The following DPYSL2 variants were observed in gnomAD, a reference collection of about 807,000 sequenced individuals.
DPYSL2 encodes the protein dihydropyrimidinase-related protein 2.
DPYSL2 carries 13 observed loss-of-function variants against 69.9 expected under a neutral mutation model. The ratio of observed to expected loss-of-function variants is 0.19; its 90% CI spans 0.12 to 0.30. The LOEUF (loss-of-function observed/expected upper bound fraction) is 0.30, where lower values mean the gene tolerates loss of function less well. DPYSL2 is among the 10% of genes least tolerant of loss of function. The pLI, the probability that DPYSL2 is intolerant of heterozygous loss-of-function variation, is 1.00. For missense variants in DPYSL2, 587 were observed against 918.9 expected, an observed-to-expected ratio of 0.64 and a Z score of 4.67; for synonymous variants, 326 against 359.1, an observed-to-expected ratio of 0.91 and a Z score of 1.04.
chr8:26,552,255 A>G (rs1016271403), intron 1 of DPYSL2, among the ~76,000 whole-genome samples: 11 of 152,198 alleles, frequency 7.2e-5, no homozygotes, highest in African/African-American at 2.7e-4. Flanking sequence ...TTAATGAGAG[A>G]TTTATACCAT....
At chr8:26,526,232 C>G (rs1323161094) in intron 1 of DPYSL2, among the ~76,000 whole-genome samples, 1 of 152,074 alleles carries the variant, frequency 6.6e-6, no homozygotes, top group Non-Finnish European at 1.5e-5. Context: ...ATAGCTGGGA[C>G]TACAGGTATG....
intron 1 of DPYSL2, among the ~76,000 whole-genome samples, chr8:26,549,223 A>ATC (rs774099495): frequency 5.1e-5 from 7 of 137,416 alleles, no homozygotes; most frequent in Middle Eastern, 7.9e-3. Context: ...TAATAATAAT[A>ATC]ATAATCAAAA....
chr8:26,552,279 T>G (rs1800884282), intron 1 of DPYSL2, among the ~76,000 whole-genome samples: 1 of 152,148 alleles, frequency 6.6e-6, no homozygotes, highest in Non-Finnish European at 1.5e-5. Context: ...ACGCATATAT[T>G]AGAAAAGAAG....
intron 1 of DPYSL2, among the ~76,000 whole-genome samples, chr8:26,542,845 C>T (rs796461285): frequency 3.3e-5 from 5 of 152,266 alleles, no homozygotes; most frequent in African/African-American, 1.2e-4. Flanking sequence ...CTTCTAGGTC[C>T]TGTGTGTGTT....
chr8:26,524,835 A>AAAAAAAAAAAAAAAAAAAAAAG (rs1563374151), intron 1 of DPYSL2, among the ~76,000 whole-genome samples: 1 of 74,184 alleles, frequency 1.3e-5, no homozygotes, highest in Non-Finnish European at 2.7e-5. Context: ...AAAAAAAAAA[A>AAAAAAAAAAAAAAAAAAAAAAG]AGAGAGAGAA....
intron 3 of DPYSL2, among the ~76,000 whole-genome samples, chr8:26,596,163 A>T (rs1474059640): frequency 6.6e-6 from 1 of 152,124 alleles, no homozygotes; most frequent in African/African-American, 2.4e-5. Flanking sequence ...TTTTGGAGGA[A>T]GTGCAACTTT....
intron 7 of DPYSL2, among the ~76,000 whole-genome samples, chr8:26,628,508 G>T (rs2129919481): frequency 6.6e-6 from 1 of 152,368 alleles, no homozygotes; most frequent in Non-Finnish European, 1.5e-5. Context: ...AGTTCGAAGG[G>T]AGGGTGCACA....
chr8:26,635,307 G>A, intron 8 of DPYSL2, among the ~76,000 whole-genome samples: 1 of 152,222 alleles, frequency 6.6e-6, no homozygotes, highest in Admixed American at 6.5e-5. Context: ...GGGTATGTAA[G>A]GCAGCTTTGT....
At chr8:26,637,892 G>A (rs905608912) in intron 8 of DPYSL2, 1 of 152,274 alleles carries the variant, frequency 6.6e-6, no homozygotes, top group Non-Finnish European at 1.5e-5. Flanking sequence ...AGCGTGACCA[G>A]TTATTGTGAC....
At chr8:26,530,407 G>A (rs1411769179) in intron 1 of DPYSL2, among the ~76,000 whole-genome samples, 2 of 152,176 alleles carry the variant, frequency 1.3e-5, no homozygotes, top group African/African-American at 4.8e-5. Context: ...CATTCAATTG[G>A]TCCATGGCAT....
chr8:26,622,160 T>TTCC (rs1563413475), intron 3 of DPYSL2, among the ~76,000 whole-genome samples: 11 of 96,428 alleles, frequency 1.1e-4, no homozygotes, highest in African/African-American at 1.9e-4. Flanking sequence ...CTTCCTTCCC[T>TTCC]CTCTCTCTCT....
At chr8:26,608,106 T>C (rs1802146874) in intron 3 of DPYSL2, among the ~76,000 whole-genome samples, 3 of 148,942 alleles carry the variant, frequency 2.0e-5, no homozygotes, top group Admixed American at 6.7e-5. Flanking sequence ...TTGTGGAAAA[T>C]ATTTATTAAT....
chr8:26,554,206 A>G (rs2117639963), intron 1 of DPYSL2, among the ~76,000 whole-genome samples: 1 of 152,042 alleles, frequency 6.6e-6, no homozygotes, highest in South Asian at 2.1e-4. Flanking sequence ...GCTTTTTAAT[A>G]ATAGCCATTC....
Position 26,644,008 on chromosome 8 carries a change from G to A in DPYSL2, c.1342G>A (p.Val448Ile), listed in dbSNP as rs769218672. 49 of 1,614,124 alleles carry A rather than the reference G, an allele frequency of 3.0e-5. No individual in the cohort carries two copies. Among genetic ancestry groups the A allele is most frequent in the East Asian group, 1.1e-4 (5 of 44,888 alleles). The part of the protein sequence containing the change: ...HCTFNTAQKA[V>I]GKDNFTLIPE... ...CACGTTTAACACTGCCCAGAAGGCT[G>A]TAGGAAAGGACAACTTCACCCTGAT... The change falls in exon 10 of 14, where the codon GTA (valine) becomes ATA (isoleucine). Residue 448 changes from valine (V) to isoleucine (I), a missense_variant. By Grantham distance (29) the Val-to-Ile change is conservative. This residue lies in a region of DPYSL2 where 452 missense variants were observed against 754.3 expected (regional missense o/e 0.60). Coordinates refer to ENST00000521913, the MANE Select transcript of DPYSL2 (RefSeq NM_001197293.3). This position sits in a 1 kb window ranked among gnomAD's most constrained non-coding sequence, Gnocchi z 4.5.
chr8:26,590,902 C>T (rs1053778595), intron 3 of DPYSL2, among the ~76,000 whole-genome samples: 6 of 152,234 alleles, frequency 3.9e-5, no homozygotes, highest in Admixed American at 1.3e-4. Flanking sequence ...GCCAGGTAGG[C>T]TGGGTAGGCC....
rs576499092 is a variant in DPYSL2 at position 26,652,535 on chromosome 8, A to G, written c.1776+99A>G. ...ACCTTGAGACAGAATATTAAGATGA[A>G]TTTAGTGGATTCCAGGGATAAGAGG... On this transcript the variant is annotated intron_variant, in intron 12 of 13. Coordinates refer to ENST00000521913, the MANE Select transcript of DPYSL2 (RefSeq NM_001197293.3). The surrounding 1 kb of genome is among the most constrained non-coding windows in gnomAD (Gnocchi z 6.3). 1 of 1,303,500 alleles carries G rather than the reference A, an allele frequency of 7.7e-7. No individual in the cohort carries two copies. The highest frequency in any genetic ancestry group is 1.5e-5 in the South Asian group (1 of 67,488). 80.7% of individuals were successfully genotyped at this position (1,303,500 alleles called of 1,614,324 possible).
At chr8:26,568,104 G>A (rs1801181472) in intron 1 of DPYSL2, among the ~76,000 whole-genome samples, 1 of 152,162 alleles carries the variant, frequency 6.6e-6, no homozygotes, top group Non-Finnish European at 1.5e-5. Flanking sequence ...ACTGCATTCG[G>A]CTGTTTATTC....
At chr8:26,545,285 T>A (rs991405106) in intron 1 of DPYSL2, among the ~76,000 whole-genome samples, 2 of 152,204 alleles carry the variant, frequency 1.3e-5, no homozygotes, top group Non-Finnish European at 2.9e-5. Context: ...TTAACAAATT[T>A]AAGACGTTCA....
rs1803324505 is a variant in DPYSL2 at position 26,653,678 on chromosome 8, C to T, written c.1942+281C>T. ...GTTCAAGTGATTCTCATGTCTCAGC[C>T]TCCCAAGTAGCTGGGATTACAGGCA... On this transcript the variant is annotated intron_variant, in intron 13 of 13. Coordinates refer to ENST00000521913, the MANE Select transcript of DPYSL2 (RefSeq NM_001197293.3). The surrounding 1 kb of genome is among the most constrained non-coding windows in gnomAD (Gnocchi z 5.7). Among the ~76,000 whole-genome samples, 2 of 152,166 alleles carry T rather than the reference C, an allele frequency of 1.3e-5. No homozygotes were observed. Among genetic ancestry groups the T allele is most frequent in the Non-Finnish European group, 2.9e-5 (2 of 68,032 alleles).
Sources: allele counts gnomAD v4.1 joint callset (sites outside exome capture counted in the v4.1 genomes callset), GRCh38; gene constraint gnomAD v4.1.1; regional missense constraint gnomAD v4.1.1; non-coding constraint Gnocchi (gnomAD v3.1); transcripts MANE v1.5; gene names NCBI Gene and HGNC (gene_info 2026-07-23, HGNC 2026-07-21).